Variants in WWTR1 observed in about 807,000 individuals in gnomAD.
WWTR1 encodes WW domain-containing transcription regulator protein 1.
In WWTR1, 13 loss-of-function variants were observed where a neutral mutation model predicts 40.1. The observed-to-expected ratio is 0.32, with a 90% CI of 0.21 to 0.52. The LOEUF (loss-of-function observed/expected upper bound fraction) is 0.52, where lower values mean the gene tolerates loss of function less well. WWTR1 is among the 20% of genes least tolerant of loss of function. The pLI is 0.97. For synonymous variants in WWTR1, 230 were observed against 210.1 expected, an observed-to-expected ratio of 1.09 and a Z score of -0.82; for missense variants, 436 against 523.1, an observed-to-expected ratio of 0.83 and a Z score of 1.63.
chr3:149,622,244 C>A lies in WWTR1; in HGVS notation c.431+34632G>T, dbSNP rs561087701. On this transcript the variant is annotated intron_variant, in intron 2 of 6. Coordinates refer to ENST00000360632, the MANE Select transcript of WWTR1 (RefSeq NM_015472.6). ...AATTTGGGATGTTGTTATTATTCTC[C>A]CAGGTGCAATGATCTTTTCTATCAA... Among the ~76,000 whole-genome samples the A allele has an allele frequency of 1.1e-4, 16 of 151,972 alleles. No homozygotes were observed. The East Asian group carries it at 3.1e-3, about 29-fold the overall frequency.
rs758752656 is a variant in WWTR1 at position 149,520,762 on chromosome 3, G to A, written c.*43C>T. The A allele has an allele frequency of 2.0e-6, 3 of 1,467,440 alleles. No individual in the cohort carries two copies. The highest frequency in any genetic ancestry group is 1.4e-5 in the African/African-American group (1 of 69,162). 90.9% of individuals were successfully genotyped at this position (1,467,440 alleles called of 1,614,324 possible). On this transcript the variant is annotated 3_prime_UTR_variant, in exon 7 of 7. Coordinates refer to ENST00000360632, the MANE Select transcript of WWTR1 (RefSeq NM_015472.6). ...CCATCACTTTTTCCAAGAGGCCCAG[G>A]AAATGTAAGGTCATGGCTACATCCA...
At chr3:149,718,222 C>T (rs1207692450) in intron 4 of WWTR1, among the ~76,000 whole-genome samples, 1 of 152,050 alleles carries the variant, frequency 6.6e-6, no homozygotes, top group African/African-American at 2.4e-5. Flanking sequence ...CCCATAATCA[C>T]CACATCAAAC....
chr3:149,545,037 T>G (rs906165567), intron 3 of WWTR1, among the ~76,000 whole-genome samples: 5 of 152,148 alleles, frequency 3.3e-5, no homozygotes, highest in Admixed American at 3.3e-4. Flanking sequence ...GATGAATGAA[T>G]AAAATCAGTT....
chr3:149,590,857 T>C (rs1189322787), intron 2 of WWTR1, among the ~76,000 whole-genome samples: 1 of 152,210 alleles, frequency 6.6e-6, no homozygotes, highest in East Asian at 1.9e-4. Context: ...CCGTCAGCAC[T>C]GCTGATAGCC....
rs1281898949 is a variant in WWTR1 at position 149,518,476 on chromosome 3, C to G, written c.*2329G>C. 1 of 151,674 alleles carries G rather than the reference C, an allele frequency of 6.6e-6. No individual in the cohort carries two copies. Among genetic ancestry groups the G allele is most frequent in the Non-Finnish European group, 1.5e-5 (1 of 67,980 alleles). The allele number at this position is 151,674 out of a possible 1,614,324, so 9.4% of individuals were successfully genotyped here. On this transcript the variant is annotated 3_prime_UTR_variant, in exon 7 of 7. Coordinates refer to ENST00000360632, the MANE Select transcript of WWTR1 (RefSeq NM_015472.6). ...TTTTTATTTATTTATTTATTTTTAGCAAGAATGTACAATTCTTTTTGCAAT... is the reference window on the plus strand; with the variant it reads ...TTTTTATTTATTTATTTATTTTTAGGAAGAATGTACAATTCTTTTTGCAAT...
intron 1 of WWTR1, among the ~76,000 whole-genome samples, chr3:149,684,899 G>A (rs1714592347): frequency 6.6e-6 from 1 of 152,006 alleles, no homozygotes; most frequent in Non-Finnish European, 1.5e-5. Context: ...CATTCTGATG[G>A]TGTCACCTTT....
rs1290235937 is a variant in WWTR1 at position 149,518,189 on chromosome 3, C to T, written c.*2616G>A. ...AAACACAAAGGGTCCATATTTTATT[C>T]TGAAAAAATATTTATTATATTCATT... On this transcript the variant is annotated 3_prime_UTR_variant, in exon 7 of 7. Transcript: ENST00000360632. 2.0e-5 allele frequency: 3 copies of T among 151,860 alleles called. No individual in the cohort carries two copies. The highest frequency in any genetic ancestry group is 4.4e-5 in the Non-Finnish European group (3 of 67,932). The allele number at this position is 151,860 out of a possible 1,614,324, so 9.4% of individuals were successfully genotyped here.
chr3:149,573,706 A>G (rs983178827), intron 2 of WWTR1, among the ~76,000 whole-genome samples: 1 of 152,172 alleles, frequency 6.6e-6, no homozygotes, highest in Non-Finnish European at 1.5e-5. Context: ...AAGGGAGAAG[A>G]CATGATTACA....
chr3:149,542,710 G>A (rs1736172710), intron 3 of WWTR1, among the ~76,000 whole-genome samples, 173 bp from the exon 4 acceptor site: 2 of 152,118 alleles, frequency 1.3e-5, no homozygotes, highest in African/African-American at 4.8e-5. Context: ...AATTCACGGA[G>A]GCTCGAATAC....
At chr3:149,577,715 C>CTCCAGAAA (rs1239910180) in intron 2 of WWTR1, among the ~76,000 whole-genome samples, 1 of 152,068 alleles carries the variant, frequency 6.6e-6, no homozygotes, top group Non-Finnish European at 1.5e-5. Flanking sequence ...TAATATTTTC[C>CTCCAGAAA]TCCAGAAAGA....
intron 2 of WWTR1, among the ~76,000 whole-genome samples, chr3:149,611,291 T>C (rs1739731271): frequency 6.6e-6 from 1 of 152,192 alleles, no homozygotes; most frequent in Admixed American, 6.5e-5. Context: ...GTCAGCTAAC[T>C]ACAGCCTGCA....
At chr3:149,574,624 TTTGTC>T (rs1737795948) in intron 2 of WWTR1, among the ~76,000 whole-genome samples, 1 of 152,174 alleles carries the variant, frequency 6.6e-6, no homozygotes, top group Non-Finnish European at 1.5e-5. Flanking sequence ...TGAAGTTGTA[TTTGTC>T]TTGTTTTCTT....
At chr3:149,710,724 T>C (rs4541350) in intron 5 of WWTR1, among the ~76,000 whole-genome samples, 67,932 of 150,828 alleles carry the variant, frequency 0.45, 16,743 homozygotes, top group African/African-American at 0.65. Flanking sequence ...GGATTATAGG[T>C]GCACGCCACC....
At chr3:149,677,440 C>T (rs1226645524) in intron 1 of WWTR1, among the ~76,000 whole-genome samples, 4 of 152,184 alleles carry the variant, frequency 2.6e-5, no homozygotes, top group African/African-American at 9.7e-5. Context: ...CTCATCCATT[C>T]CCATGACTTG....
intron 2 of WWTR1, among the ~76,000 whole-genome samples, chr3:149,628,863 T>C (rs994539880): frequency 6.6e-6 from 1 of 151,728 alleles, no homozygotes; most frequent in Non-Finnish European, 1.5e-5. Context: ...AGCCTCGACC[T>C]CCCAGGCTCA....
Position 149,572,855 on chromosome 3 carries a change from G to A in WWTR1, c.568+9C>T. On this transcript the variant is annotated intron_variant, in intron 3 of 6. Coordinates refer to ENST00000360632, the MANE Select transcript of WWTR1 (RefSeq NM_015472.6). ...ATCTTTTTTAATTTTAAAAAAGCTT[G>A]AGGCTTACCGAGATTTGGCTGGGAT... 6.2e-7 allele frequency: 1 copy of A among 1,613,402 alleles called. No homozygotes were observed. Among genetic ancestry groups the A allele is most frequent in the Non-Finnish European group, 8.5e-7 (1 of 1,179,866 alleles).
At chr3:149,570,216 A>G (rs111261804) in intron 3 of WWTR1, among the ~76,000 whole-genome samples, 93 of 152,336 alleles carry the variant, frequency 6.1e-4, no homozygotes, top group African/African-American at 2.1e-3. Flanking sequence ...GGGCAAATAC[A>G]CAAATATTGT....
At chr3:149,586,534 T>C (rs114591306) in intron 2 of WWTR1, among the ~76,000 whole-genome samples, 354 of 152,326 alleles carry the variant, frequency 2.3e-3, no homozygotes, top group Non-Finnish European at 3.6e-3. Context: ...CCCTTGTAGA[T>C]AGGGGTGCTA....
chr3:149,533,497 C>G (rs1344615981), intron 4 of WWTR1, among the ~76,000 whole-genome samples: 1 of 152,192 alleles, frequency 6.6e-6, no homozygotes, highest in Admixed American at 6.5e-5. Context: ...GAGGCAGATA[C>G]GATGAAGGGC....
Sources: gnomAD v4.1 joint callset for allele counts (sites outside exome capture counted in the v4.1 genomes callset) on GRCh38, gnomAD v4.1.1 for gene constraint, MANE v1.5 for transcripts, NCBI Gene and HGNC (gene_info 2026-07-23, HGNC 2026-07-21) for gene names.